MRE11: variants seen among roughly 807,000 people sequenced by gnomAD.
MRE11 encodes MRE11 double strand break repair nuclease, also known as double-strand break repair protein MRE11.
MRE11 carries 62 observed loss-of-function variants against 91.7 expected under a neutral mutation model. That is an observed-to-expected ratio of 0.68 (90% CI 0.55 to 0.84). The LOEUF (loss-of-function observed/expected upper bound fraction) is 0.84. Among genes scored for constraint, MRE11 ranks in the 40% least tolerant of loss-of-function variants. MRE11 has a pLI of 0.00. For missense variants in MRE11, 796 were observed against 852.9 expected (o/e 0.93, Z 0.83); for synonymous variants, 273 against 271.4 (o/e 1.01, Z -0.06).
chr11:94,429,755 G>A (rs921477827), intron 19 of MRE11, among the ~76,000 whole-genome samples, 156 bp downstream of exon 19: 13 of 152,036 alleles, frequency 8.6e-5, no homozygotes, highest in South Asian at 2.1e-4. Flanking sequence ...TCAGCATCAC[G>A]CAATTCCCAT....
chr11:94,478,784 A>G lies in MRE11; in HGVS notation c.495T>C (p.Ser165=). The G allele has an allele frequency of 6.2e-7, 1 of 1,613,666 alleles. No individual in the cohort carries two copies. Among genetic ancestry groups the G allele is most frequent in the South Asian group, 1.1e-5 (1 of 91,078 alleles). ...RSMSVEKIDI[S]PVLLQKGSTK... is the part of the protein sequence containing the mutation. ...TGCTTCCTTTTTGAAGCAAAACCGG[A>G]CTAATGTCTATCTTCTCCACAGACA... Residue 165 remains serine (S), a synonymous_variant, in exon 6 of 20, where the codon AGT becomes AGC. Transcript: ENST00000323929.
At position 94,416,613 on chromosome 11, in the gene MRE11, A is replaced by C. The variant is rs921624842; in HGVS notation, c.*3512T>G. 6.7e-6 allele frequency: 1 copy of C among 150,288 alleles called. No individual in the cohort carries two copies. Among genetic ancestry groups the C allele is most frequent in the Non-Finnish European group, 1.5e-5 (1 of 67,754 alleles). The allele number at this position is 150,288 out of a possible 1,614,324, so 9.3% of individuals were successfully genotyped here. A position where few individuals can be genotyped will look rare whatever the true frequency, so the allele number is the denominator to read the frequency against. On this transcript the variant is annotated 3_prime_UTR_variant, in exon 20 of 20. Coordinates refer to ENST00000323929, the MANE Select transcript of MRE11 (RefSeq NM_005591.4). Reference sequence around the variant, plus strand: ...GTAATCCCAGCACTTTGGGAGGCTGAGGTGGGTGGATCACAAGGTCAGGAG... The same window carrying C: ...GTAATCCCAGCACTTTGGGAGGCTGCGGTGGGTGGATCACAAGGTCAGGAG...
intron 14 of MRE11, among the ~76,000 whole-genome samples, chr11:94,451,496 G>T (rs933082856): frequency 1.3e-5 from 2 of 152,098 alleles, no homozygotes; most frequent in Non-Finnish European, 2.9e-5. Flanking sequence ...ATGCCAGTAT[G>T]ACACAGTACT....
At chr11:94,460,804 T>C (rs558454390) in intron 12 of MRE11, 132 bp downstream of exon 12, 15 of 761,812 alleles carry the variant, frequency 2.0e-5, no homozygotes, top group South Asian at 8.0e-5. Flanking sequence ...ATGTAATTAA[T>C]TGTCACCCTA....
At chr11:94,441,884 G>A (rs1945788595) in intron 16 of MRE11, among the ~76,000 whole-genome samples, 1 of 148,030 alleles carries the variant, frequency 6.8e-6, no homozygotes, top group South Asian at 2.2e-4. Context: ...GGCTAAGACA[G>A]GAAAATTGTT....
At chr11:94,435,757 A>G in intron 18 of MRE11, 75 bp downstream of exon 18, 1 of 1,279,310 alleles carries the variant, frequency 7.8e-7, no homozygotes, top group Non-Finnish European at 1.1e-6. Context: ...GCATAGAAAA[A>G]TGTGTAACTT....
At chr11:94,455,092 T>C (rs997968338) in intron 14 of MRE11, among the ~76,000 whole-genome samples, 2 of 147,598 alleles carry the variant, frequency 1.4e-5, no homozygotes. Flanking sequence ...CTTTTAGAAG[T>C]TTTTCATTTT....
rs1430351329 is a variant in MRE11, at chr11:94,467,838, G to T, written c.1073C>A (p.Pro358Gln). 1 of 1,613,488 alleles carries T rather than the reference G, an allele frequency of 6.2e-7. No homozygotes were observed. The highest frequency in any genetic ancestry group is 1.7e-5 in the Admixed American group (1 of 60,006). ...TCGCAGTCGTACAAGAGGCTTCTCT[G>T]GCTGGTGAGAATTACCCAGACGTTC... ...ERERLGNSHQ[P>Q]EKPLVRLRVD... is the part of the protein sequence containing the mutation. Residue 358 changes from proline to glutamine, a missense_variant, in exon 10 of 20, where the codon CCA becomes CAA. Transcript: ENST00000323929.
At chr11:94,489,065 A>G (rs1185148499) in intron 3 of MRE11, among the ~76,000 whole-genome samples, 3 of 152,196 alleles carry the variant, frequency 2.0e-5, no homozygotes, top group Non-Finnish European at 4.4e-5. Context: ...TTCCACTCTC[A>G]TGGAGTTTTC....
At chr11:94,456,413 T>TA in intron 13 of MRE11, 75 bp from the exon 14 acceptor site, 1 of 1,115,996 alleles carries the variant, frequency 9.0e-7, no homozygotes, top group African/African-American at 1.5e-5. Context: ...GGGCTACAAT[T>TA]AAGAAATGCT....
chr11:94,436,487 C>T (rs556814834), intron 17 of MRE11, among the ~76,000 whole-genome samples: 49 of 152,274 alleles, frequency 3.2e-4, no homozygotes, highest in Admixed American at 5.9e-4. Context: ...AAATACTGAA[C>T]GAACAGCCCC....
chr11:94,446,785 G>A (rs1945943348), intron 15 of MRE11, among the ~76,000 whole-genome samples: 1 of 152,182 alleles, frequency 6.6e-6, no homozygotes, highest in South Asian at 2.1e-4. Flanking sequence ...TACTTGATAA[G>A]CATATGTGTA....
At chr11:94,468,458 C>T (rs12285522) in intron 9 of MRE11, among the ~76,000 whole-genome samples, 13,024 of 152,198 alleles carry the variant, frequency 0.086, 1,583 homozygotes, top group African/African-American at 0.27. Context: ...GGAGACAGCA[C>T]TAGATTATTT....
At chr11:94,454,581 T>C (rs1463787193) in intron 14 of MRE11, among the ~76,000 whole-genome samples, 1 of 152,172 alleles carries the variant, frequency 6.6e-6, no homozygotes, top group Non-Finnish European at 1.5e-5. Context: ...TAATATCTTA[T>C]GATATGCTGA....
At chr11:94,478,997 G>C in intron 5 of MRE11, 121 bp from the exon 6 acceptor site, 1 of 1,092,270 alleles carries the variant, frequency 9.2e-7, no homozygotes, top group Non-Finnish European at 1.3e-6. Flanking sequence ...GATGAGGATA[G>C]TGTCTTCTCA....
chr11:94,471,751 T>A lies in MRE11; in HGVS notation c.668A>T (p.His223Leu), dbSNP rs1170382104. ...TTCTGGAATGAAGTTAGTACTTCCATGTTTACTCCTGTATCAAGATTTTGA... is the reference window on the plus strand; with the variant it reads ...TTCTGGAATGAAGTTAGTACTTCCAAGTTTACTCCTGTATCAAGATTTTGA... Reference protein sequence around the residue: ...LFVIHQNRSKHGSTNFIPEQF... With the variant: ...LFVIHQNRSKLGSTNFIPEQF... Residue 223 changes from histidine to leucine, a missense_variant, in exon 8 of 20, where the codon CAT becomes CTT. Transcript: ENST00000323929. 6.2e-7 allele frequency: 1 copy of A among 1,610,418 alleles called. No homozygotes were observed. Among genetic ancestry groups the A allele is most frequent in the Non-Finnish European group, 8.5e-7 (1 of 1,177,588 alleles).
At chr11:94,431,104 C>T (rs775965165) in intron 18 of MRE11, among the ~76,000 whole-genome samples, 4 of 152,134 alleles carry the variant, frequency 2.6e-5, no homozygotes, top group South Asian at 2.1e-4. Context: ...ATTTTATTAA[C>T]ATGCTTTGGG....
intron 8 of MRE11, among the ~76,000 whole-genome samples, chr11:94,471,245 T>A (rs1946701792): frequency 6.6e-6 from 1 of 152,026 alleles, no homozygotes; most frequent in Non-Finnish European, 1.5e-5. Flanking sequence ...AATTAAATGG[T>A]TTTAGGATAA....
At position 94,456,347 on chromosome 11, in the gene MRE11, T is replaced by C. The variant is rs2134970792; in HGVS notation, c.1501-9A>G. ...TCTCTGAAACGACGTACCTAGATCATAACAGAGTAAATCACAAACATGTTG... is the reference window on the plus strand; with the variant it reads ...TCTCTGAAACGACGTACCTAGATCACAACAGAGTAAATCACAAACATGTTG... On this transcript the variant is annotated splice_polypyrimidine_tract_variant and intron_variant, in intron 13 of 19. Coordinates refer to ENST00000323929, the MANE Select transcript of MRE11 (RefSeq NM_005591.4). 1.2e-6 allele frequency: 2 copies of C among 1,607,032 alleles called. No homozygotes were observed. The highest frequency in any genetic ancestry group is 8.5e-7 in the Non-Finnish European group (1 of 1,173,942).
Sources: allele counts gnomAD v4.1 joint callset (sites outside exome capture counted in the v4.1 genomes callset), GRCh38; gene constraint gnomAD v4.1.1; transcripts MANE v1.5; gene names NCBI Gene and HGNC (gene_info 2026-07-23, HGNC 2026-07-21).